Variants in PARVB observed in about 807,000 individuals in gnomAD.
PARVB encodes parvin beta, also known as beta-parvin.
A neutral mutation model predicts 47.0 loss-of-function variants in PARVB; 46 were observed. The observed-to-expected ratio is 0.98, with a 90% CI of 0.77 to 1.25. The LOEUF (loss-of-function observed/expected upper bound fraction) is 1.25. PARVB is among the 50% of genes most tolerant of loss of function. The probability of loss-of-function intolerance (pLI) is 0.00; values close to 1 mark genes in which losing one functional copy is unlikely to be tolerated. For missense variants in PARVB, 473 were observed against 471.6 expected (o/e 1.00, Z -0.03); for synonymous variants, 196 against 196.3 (o/e 1.00, Z 0.01).
intron 4 of PARVB, among the ~76,000 whole-genome samples, chr22:44,119,391 C>T (rs887101691): frequency 2.6e-5 from 4 of 152,222 alleles, no homozygotes; most frequent in Non-Finnish European, 5.9e-5. Flanking sequence ...AAACTGCCTG[C>T]GGCTCCCATC....
intron 2 of PARVB, among the ~76,000 whole-genome samples, chr22:44,016,102 T>TTC (rs1555891725): frequency 6.8e-6 from 1 of 146,978 alleles, no homozygotes; most frequent in Non-Finnish European, 1.5e-5. Flanking sequence ...TTTCTTTCTT[T>TTC]TTTTTTTTTT....
At chr22:44,162,049 TC>T (rs2054065243) in intron 11 of PARVB, among the ~76,000 whole-genome samples, 1 of 152,196 alleles carries the variant, frequency 6.6e-6, no homozygotes. Flanking sequence ...GGCTGTGTCT[TC>T]CCCACTGACC....
intron 12 of PARVB, among the ~76,000 whole-genome samples, chr22:44,164,965 A>G (rs531454024): frequency 6.6e-6 from 1 of 151,996 alleles, no homozygotes; most frequent in Non-Finnish European, 1.5e-5. Flanking sequence ...GGACAATTTC[A>G]CACCCTCCTG....
intron 1 of PARVB, among the ~76,000 whole-genome samples, chr22:44,030,975 C>A (rs2050816745): frequency 6.6e-6 from 1 of 151,980 alleles, no homozygotes; most frequent in African/African-American, 2.4e-5. Flanking sequence ...GGGACCAGGG[C>A]CATAGTCACT....
chr22:44,052,657 G>A lies in PARVB; in HGVS notation c.112+28206G>A, dbSNP rs76358910. On this transcript the variant is annotated intron_variant, in intron 1 of 12. Transcript: ENST00000338758. ...TCCCCCTGAAGCTACAAAAGTAGGT[G>A]GGGGGCTGGGTGTGGTGGCTCATGC... 8.7e-4 allele frequency among the ~76,000 whole-genome samples: 132 copies of A among 152,276 alleles called. 1 individual carries two copies. In the East Asian group the frequency reaches 0.015, roughly 17 times the overall value.
At chr22:44,084,878 C>G (rs891819520) in intron 1 of PARVB, among the ~76,000 whole-genome samples, 1 of 152,220 alleles carries the variant, frequency 6.6e-6, no homozygotes. Flanking sequence ...CCACTGCACC[C>G]TGTACATAAC....
At chr22:44,156,698 GTTATGGTATATT>G (rs1050910633) in intron 10 of PARVB, among the ~76,000 whole-genome samples, 4 of 152,206 alleles carry the variant, frequency 2.6e-5, no homozygotes, top group Admixed American at 6.5e-5. Context: ...GATGGTAAAT[GTTATGGTATATT>G]TTATGGTATA....
At chr22:44,122,488 AAGAGAGAGAGAGAG>A (rs766162295) in intron 4 of PARVB, among the ~76,000 whole-genome samples, 9 of 76,674 alleles carry the variant, frequency 1.2e-4, no homozygotes, top group African/African-American at 4.3e-4. Flanking sequence ...CCTGTCGATC[AAGAGAGAGAGAGAG>A]AGAGAGAGAG....
chr22:44,101,420 A>AAAT (rs1555903752), intron 3 of PARVB, among the ~76,000 whole-genome samples: 50 of 145,260 alleles, frequency 3.4e-4, no homozygotes, highest in African/African-American at 1.3e-3. Context: ...AAAAAAATAA[A>AAAT]AAATAAAAAA....
chr22:44,003,794 C>G (rs747281700), intron 2 of PARVB, among the ~76,000 whole-genome samples: 3 of 152,190 alleles, frequency 2.0e-5, no homozygotes, highest in Non-Finnish European at 4.4e-5. Context: ...GGGTGTTGTA[C>G]AGGTGGCTCT....
chr22:44,045,660 C>T lies in PARVB; in HGVS notation c.112+21209C>T, dbSNP rs573041544. Among the ~76,000 whole-genome samples the T allele has an allele frequency of 5.9e-5, 9 of 152,322 alleles. 2 individuals are homozygous for T. The South Asian group carries it at 1.9e-3, about 32-fold the overall frequency. On this transcript the variant is annotated intron_variant, in intron 1 of 12. Coordinates refer to ENST00000338758, the MANE Select transcript of PARVB (RefSeq NM_013327.5). ...GCTGGGACTCTCCCATCACTCTTGTCTCCATCTTGTTGTGCACTGTTGATG... is the reference window on the plus strand; with the variant it reads ...GCTGGGACTCTCCCATCACTCTTGTTTCCATCTTGTTGTGCACTGTTGATG...
chr22:43,999,800 T>C, intron 2 of PARVB: 1 of 427,046 alleles, frequency 2.3e-6, no homozygotes, highest in Non-Finnish European at 4.4e-6. Context: ...AATTTGAGAC[T>C]ACTCTGCACA....
chr22:44,098,017 A>C (rs1283299305), intron 2 of PARVB, among the ~76,000 whole-genome samples: 1 of 152,118 alleles, frequency 6.6e-6, no homozygotes. Context: ...AGCCTTCAGG[A>C]GGGAGCAGCG....
At chr22:44,126,672 A>T (rs980791915) in intron 4 of PARVB, among the ~76,000 whole-genome samples, 4 of 152,274 alleles carry the variant, frequency 2.6e-5, no homozygotes, top group East Asian at 3.9e-4. Flanking sequence ...CTGTTGAAGC[A>T]GTCCCCCCAA....
chr22:44,002,864 T>C (rs1373453070), intron 2 of PARVB, among the ~76,000 whole-genome samples: 1 of 151,672 alleles, frequency 6.6e-6, no homozygotes. Flanking sequence ...GGTGCCAGAG[T>C]TGTAGCTTTA....
At chr22:44,025,904 C>T (rs1453108916) in intron 1 of PARVB, among the ~76,000 whole-genome samples, 2 of 152,118 alleles carry the variant, frequency 1.3e-5, no homozygotes, top group African/African-American at 4.8e-5. Flanking sequence ...AAGAAAAGAG[C>T]GGGGGCGGGG....
rs112562506 is a variant in PARVB, at chr22:44,171,494, CA to C, written c.*2828del. On this transcript the variant is annotated 3_prime_UTR_variant, in exon 13 of 13. Transcript: ENST00000338758. ...TGAGCAACAGAGTGAGACTCTGTCTCAAAAAAAAAAAAGAAAGAAAAAAGAA... is the reference window on the plus strand; with the variant it reads ...TGAGCAACAGAGTGAGACTCTGTCTCAAAAAAAAAAAGAAAGAAAAAAGAA... 4.2e-4 allele frequency: 58 copies of C among 139,112 alleles called. No homozygotes were observed. Among genetic ancestry groups the C allele is most frequent in the East Asian group, 6.3e-4 (3 of 4,740 alleles). 8.6% of individuals were successfully genotyped at this position (139,112 alleles called of 1,614,324 possible).
At chr22:44,133,036 C>T in intron 6 of PARVB, 27 bp downstream of exon 6, 1 of 1,504,956 alleles carries the variant, frequency 6.6e-7, no homozygotes, top group South Asian at 1.2e-5. Flanking sequence ...GGTCGGCCTG[C>T]CTGTAACTCC....
At chr22:44,013,755 C>T (rs1184172601) in intron 2 of PARVB, among the ~76,000 whole-genome samples, 1 of 152,112 alleles carries the variant, frequency 6.6e-6, no homozygotes, top group Non-Finnish European at 1.5e-5. Context: ...GCCTCAGCCT[C>T]CTGAGTAGCT....
Sources: allele counts gnomAD v4.1 joint callset (sites outside exome capture counted in the v4.1 genomes callset), GRCh38; gene constraint gnomAD v4.1.1; transcripts MANE v1.5; gene names NCBI Gene and HGNC (gene_info 2026-07-23, HGNC 2026-07-21).